Variants in SYK observed in about 807,000 individuals in gnomAD.
SYK encodes tyrosine-protein kinase SYK.
A neutral mutation model predicts 77.8 loss-of-function variants in SYK; 16 were observed. The observed-to-expected ratio is 0.21, with a 90% CI of 0.14 to 0.31. The LOEUF (loss-of-function observed/expected upper bound fraction) is 0.31, where lower values mean the gene tolerates loss of function less well. Among genes scored for constraint, SYK ranks in the 10% least tolerant of loss-of-function variants. The pLI, the probability that SYK is intolerant of heterozygous loss-of-function variation, is 1.00. For missense variants in SYK, 529 were observed against 814.4 expected (o/e 0.65, Z 4.26); for synonymous variants, 312 against 308.7 (o/e 1.01, Z -0.11).
At position 90,874,279 on chromosome 9, in the gene SYK, G is replaced by C. The variant is rs1317401345; in HGVS notation, c.991G>C (p.Ala331Pro). Residue 331 changes from alanine to proline, a missense_variant, in exon 8 of 14, where the codon GCT becomes CCT. Physicochemically the swap from Ala to Pro is conservative, Grantham distance 27 (BLOSUM62 -1). Coordinates refer to ENST00000375754, the MANE Select transcript of SYK (RefSeq NM_003177.7). ...GTATGAGCCAGAACTTGCACCCTGG[G>C]CTGCAGACAAAGGTGAGACTTCCTT... is the stretch of plus-strand genomic sequence containing the variant. The part of the protein sequence containing the change: ...NPYEPELAPW[A>P]ADKGPQREAL... 5 of 1,614,078 alleles carry C rather than the reference G, an allele frequency of 3.1e-6. No individual in the cohort carries two copies. Among genetic ancestry groups the C allele is most frequent in the Non-Finnish European group, 4.2e-6 (5 of 1,180,024 alleles).
chr9:90,816,217 G>A (rs7856021), intron 1 of SYK, among the ~76,000 whole-genome samples: 80,536 of 152,020 alleles, frequency 0.53, 21,487 homozygotes, highest in South Asian at 0.59. Context: ...GGCATTGGCA[G>A]TTTTAGGACA....
At chr9:90,843,278 C>T (rs140297608) in intron 1 of SYK, among the ~76,000 whole-genome samples, 1 of 152,210 alleles carries the variant, frequency 6.6e-6, no homozygotes, top group South Asian at 2.1e-4. Context: ...AGTCACAGTT[C>T]CGTGTGGGCC....
chr9:90,893,843 G>C (rs947692703), intron 13 of SYK, among the ~76,000 whole-genome samples: 1 of 152,132 alleles, frequency 6.6e-6, no homozygotes, highest in East Asian at 1.9e-4. Context: ...AGGGTCACTG[G>C]GTACAAGGAG....
chr9:90,889,490 T>C (rs936582404), intron 13 of SYK, among the ~76,000 whole-genome samples: 5 of 152,350 alleles, frequency 3.3e-5, no homozygotes, highest in Non-Finnish European at 7.4e-5. Flanking sequence ...CTCTGAAAGA[T>C]GAGGGCTATT....
At chr9:90,824,610 G>A (rs1825613057) in intron 1 of SYK, among the ~76,000 whole-genome samples, 2 of 151,772 alleles carry the variant, frequency 1.3e-5, no homozygotes, top group Admixed American at 1.3e-4. Context: ...ATGGGCTAGA[G>A]AAGAAAAATC....
chr9:90,882,584 T>TGCTTAGA (rs1828197997), intron 11 of SYK, among the ~76,000 whole-genome samples: 3 of 152,256 alleles, frequency 2.0e-5, no homozygotes, highest in Admixed American at 2.0e-4. Flanking sequence ...GAAATTAGAA[T>TGCTTAGA]GCTTAGATCA....
Position 90,895,730 on chromosome 9 carries a change from A to G in SYK, c.*130A>G, listed in dbSNP as rs2119013218. ...AGCCAGGCTTGGATGGAACATGCCCACAACTTGTCACCCAAAGCCTGTCCC... is the reference window on the plus strand; with the variant it reads ...AGCCAGGCTTGGATGGAACATGCCCGCAACTTGTCACCCAAAGCCTGTCCC... On this transcript the variant is annotated 3_prime_UTR_variant, in exon 14 of 14. Coordinates refer to ENST00000375754, the MANE Select transcript of SYK (RefSeq NM_003177.7). This position sits in a 1 kb window ranked among gnomAD's most constrained non-coding sequence, Gnocchi z 4.4. 8 of 791,420 alleles carry G rather than the reference A, an allele frequency of 1.0e-5. No individual in the cohort carries two copies. The South Asian group carries it at 1.3e-4, about 13-fold the overall frequency. 49.0% of individuals were successfully genotyped at this position (791,420 alleles called of 1,614,324 possible).
chr9:90,894,029 C>T (rs139354557), intron 13 of SYK, among the ~76,000 whole-genome samples: 394 of 152,310 alleles, frequency 2.6e-3, no homozygotes, highest in African/African-American at 8.6e-3. Flanking sequence ...GGAGACCTGA[C>T]CAGGTGTTTT....
chr9:90,802,002 C>T (rs763574453), intron 1 of SYK, 109 bp downstream of exon 1: 2 of 152,256 alleles, frequency 1.3e-5, no homozygotes, highest in Admixed American at 6.5e-5. Context: ...CTTCATCGGC[C>T]GAGGTAAAAG....
At chr9:90,839,746 C>G (rs1321081348) in intron 1 of SYK, among the ~76,000 whole-genome samples, 2 of 152,136 alleles carry the variant, frequency 1.3e-5, no homozygotes, top group Non-Finnish European at 2.9e-5. Context: ...AAAAAGTAAC[C>G]TGGGCCCTGC....
intron 1 of SYK, among the ~76,000 whole-genome samples, chr9:90,842,724 T>G (rs1273422278): frequency 6.6e-6 from 1 of 151,206 alleles, no homozygotes; most frequent in African/African-American, 2.4e-5. Flanking sequence ...ATAGTGTGTG[T>G]GGCATGCATG....
At position 90,888,446 on chromosome 9, in the gene SYK, G is replaced by A. The variant is rs1440537953; in HGVS notation, c.1723-69G>A. ...TGTGTACTCCTTCATGTCTTGGAGT[G>A]GCTGTTTTGTTTTGTTTGACTAACA... On this transcript the variant is annotated intron_variant, in intron 12 of 13. Coordinates refer to ENST00000375754, the MANE Select transcript of SYK (RefSeq NM_003177.7). The A allele has an allele frequency of 2.7e-6, 3 of 1,093,042 alleles. No individual in the cohort carries two copies. The East Asian group carries it at 7.7e-5, about 28-fold the overall frequency. The allele number at this position is 1,093,042 out of a possible 1,614,324, so 67.7% of individuals were successfully genotyped here.
chr9:90,862,461 C>A, intron 4 of SYK, 117 bp downstream of exon 4: 1 of 1,280,570 alleles, frequency 7.8e-7, no homozygotes, highest in African/African-American at 1.5e-5. Context: ...AGTGTGGTCC[C>A]CAGGCCAGCA....
intron 1 of SYK, among the ~76,000 whole-genome samples, chr9:90,816,994 T>G (rs1825313891): frequency 6.6e-6 from 1 of 152,250 alleles, no homozygotes; most frequent in African/African-American, 2.4e-5. Context: ...AGTGCTGCAG[T>G]GAAGCATGGG....
rs1337252589 is a variant in SYK, at chr9:90,845,211, T to C, written c.418-223T>C. Among the ~76,000 whole-genome samples, 2 of 152,214 alleles carry C rather than the reference T, an allele frequency of 1.3e-5. 1 individual carries two copies. The highest frequency in any genetic ancestry group is 1.3e-4 in the Admixed American group (2 of 15,288). Reference sequence around the variant, plus strand: ...TTGGCCTCCCAAAATACTGGGATTATAAGCGTGAGCCACCGTGCCCGGCCA... The same window carrying C: ...TTGGCCTCCCAAAATACTGGGATTACAAGCGTGAGCCACCGTGCCCGGCCA... On this transcript the variant is annotated intron_variant, in intron 2 of 13. Transcript: ENST00000375754.
chr9:90,820,472 C>T (rs1015652457), intron 1 of SYK, among the ~76,000 whole-genome samples: 1 of 152,338 alleles, frequency 6.6e-6, no homozygotes, highest in African/African-American at 2.4e-5. Context: ...TCTGTGCACT[C>T]GCAGGCTCAA....
At chr9:90,806,868 C>T (rs1345927812) in intron 1 of SYK, among the ~76,000 whole-genome samples, 1 of 151,696 alleles carries the variant, frequency 6.6e-6, no homozygotes, top group African/African-American at 2.4e-5. Flanking sequence ...ACGACACCAA[C>T]ATTTTATTAT....
intron 3 of SYK, among the ~76,000 whole-genome samples, chr9:90,847,469 C>T (rs1266841961): frequency 6.6e-6 from 1 of 152,200 alleles, no homozygotes. Context: ...AGTTATCACC[C>T]CATAATTGCC....
chr9:90,817,866 TGTGTGTGTGTGTGTGTGAGAGA>T (rs1374931596), intron 1 of SYK, among the ~76,000 whole-genome samples: 182 of 141,740 alleles, frequency 1.3e-3, no homozygotes, highest in Non-Finnish European at 2.0e-3. Context: ...TGTGTGTGTG[TGTGTGTGTGTGTGTGTGAGAGA>T]GAGAGAGAGA....
Sources: gnomAD v4.1 joint callset for allele counts (sites outside exome capture counted in the v4.1 genomes callset) on GRCh38, gnomAD v4.1.1 for gene constraint, Gnocchi (gnomAD v3.1) non-coding constraint, MANE v1.5 for transcripts, NCBI Gene and HGNC (gene_info 2026-07-23, HGNC 2026-07-21) for gene names.